Variants in CGB7 observed in about 807,000 individuals in gnomAD.
CGB7 encodes choriogonadotropin subunit beta 7.
CGB7 carries 6 observed loss-of-function variants against 7.3 expected under a neutral mutation model. The observed-to-expected ratio is 0.82, with a 90% CI of 0.45 to 1.62. CGB7 has a LOEUF of 1.62. Among genes scored for constraint, CGB7 ranks in the 40% most tolerant of loss-of-function variants. CGB7 has a pLI of 0.01. For synonymous variants in CGB7, 47 were observed against 100.8 expected (o/e 0.47, Z 3.20); for missense variants, 114 against 236.2 (o/e 0.48, Z 3.39).
chr19:49,054,911 A>G lies in CGB7; in HGVS notation c.113T>C (p.Val38Ala). Residue 38 changes from valine (V) to alanine (A), a missense_variant, in exon 4 of 5, where the codon GTG (valine) becomes GCG (alanine). This residue lies in a region of CGB7 where 58 missense variants were observed against 91.7 expected (regional missense o/e 0.63). Coordinates refer to ENST00000684222, the MANE Select transcript of CGB7 (RefSeq NM_001385261.1). Reference sequence around the variant, plus strand: ...GCACACGGGGCAGCCCTCCTTCTCCACAGCCAGGGTGGCATTGATGGGGCG... The same window carrying G: ...GCACACGGGGCAGCCCTCCTTCTCCGCAGCCAGGGTGGCATTGATGGGGCG... ...RCRPINATLA[V>A]EKEGCPVCIT... 6.3e-7 allele frequency: 1 copy of G among 1,589,254 alleles called. No homozygotes were observed. The highest frequency in any genetic ancestry group is 8.5e-7 in the Non-Finnish European group (1 of 1,170,994).
chr19:49,056,656 C>G (rs1162463519), intron 2 of CGB7, 61 bp from the exon 3 acceptor site: 4 of 1,198,776 alleles, frequency 3.3e-6, no homozygotes, highest in Non-Finnish European at 4.2e-6. Context: ...AGTTTCAGAC[C>G]TCGGGATCTA....
chr19:49,055,861 G>T lies in CGB7; in HGVS notation c.-486C>A. 9.2e-7 allele frequency: 1 copy of T among 1,086,418 alleles called. No individual in the cohort carries two copies. The highest frequency in any genetic ancestry group is 1.1e-6 in the Non-Finnish European group (1 of 887,832). 67.3% of individuals were successfully genotyped at this position (1,086,418 alleles called of 1,614,324 possible). Reference sequence around the variant, plus strand: ...GAGAGGGTCTCCCCGTGACTGTGCTGCCAGGGAAGCCACTTGACCCAGATG... The same window carrying T: ...GAGAGGGTCTCCCCGTGACTGTGCTTCCAGGGAAGCCACTTGACCCAGATG... On this transcript the variant is annotated 5_prime_UTR_variant, in exon 3 of 5. Transcript: ENST00000684222.
Position 49,055,587 on chromosome 19 carries a change from G to C in CGB7, c.-212C>G. On this transcript the variant is annotated 5_prime_UTR_variant, in exon 3 of 5. Coordinates refer to ENST00000684222, the MANE Select transcript of CGB7 (RefSeq NM_001385261.1). ...GGTCTAGCGCCAAGGATGAGGCGGA[G>C]ACCACGGTGAAGTGACCTCTGAGAC... The C allele has an allele frequency of 6.8e-7, 1 of 1,477,148 alleles. No individual in the cohort carries two copies. The highest frequency in any genetic ancestry group is 1.4e-5 in the South Asian group (1 of 72,938). The allele number at this position is 1,477,148 out of a possible 1,614,324, so 91.5% of individuals were successfully genotyped here.
chr19:49,056,359 G>C lies in CGB7; in HGVS notation c.-984C>G, dbSNP rs750185011. On this transcript the variant is annotated 5_prime_UTR_variant, in exon 3 of 5. Coordinates refer to ENST00000684222, the MANE Select transcript of CGB7 (RefSeq NM_001385261.1). ...TGTGTATGCCCGGCAGGGGCTTCCA[G>C]TGGGGGCCACCCCAAGTCGCCTCCA... is the stretch of plus-strand genomic sequence containing the variant. 13 of 1,295,770 alleles carry C rather than the reference G, an allele frequency of 1.0e-5. No individual in the cohort carries two copies. Among genetic ancestry groups the C allele is most frequent in the South Asian group, 2.4e-5 (2 of 81,952 alleles). 80.3% of individuals were successfully genotyped at this position (1,295,770 alleles called of 1,614,324 possible).
At position 49,056,260 on chromosome 19, in the gene CGB7, C is replaced by T. The variant is rs1157003790; in HGVS notation, c.-885G>A. Reference sequence around the variant, plus strand: ...GGGGCGTGTCTGGGGTGGGGCTGGCCCGGCAGGCTCCCACTAGCCCCGGCT... The same window carrying T: ...GGGGCGTGTCTGGGGTGGGGCTGGCTCGGCAGGCTCCCACTAGCCCCGGCT... On this transcript the variant is annotated 5_prime_UTR_variant, in exon 3 of 5. Transcript: ENST00000684222. 1.0e-5 allele frequency: 13 copies of T among 1,290,284 alleles called. No homozygotes were observed. The East Asian group carries it at 5.5e-4, about 55-fold the overall frequency. 79.9% of individuals were successfully genotyped at this position (1,290,284 alleles called of 1,614,324 possible).
At chr19:49,056,892 C>G (rs1050723468) in intron 2 of CGB7, among the ~76,000 whole-genome samples, 4 of 152,178 alleles carry the variant, frequency 2.6e-5, no homozygotes, top group Non-Finnish European at 4.4e-5. Flanking sequence ...AGAATCCCCT[C>G]GAGCCGCTGT....
At position 49,055,537 on chromosome 19, in the gene CGB7, A is replaced by G. The variant is rs2040048554; in HGVS notation, c.-162T>C. ...GGGAGGCACAGGAGTGGCTCAGCGG[A>G]GCACCCCAGTCCTCTCCCCTCAGTG... On this transcript the variant is annotated 5_prime_UTR_variant, in exon 3 of 5. Coordinates refer to ENST00000684222, the MANE Select transcript of CGB7 (RefSeq NM_001385261.1). 1 of 1,569,470 alleles carries G rather than the reference A, an allele frequency of 6.4e-7. No individual in the cohort carries two copies. Among genetic ancestry groups the G allele is most frequent in the Non-Finnish European group, 8.6e-7 (1 of 1,156,862 alleles).
chr19:49,055,477 C>G lies in CGB7; in HGVS notation c.-102G>C, dbSNP rs1325494164. The G allele has an allele frequency of 2.5e-6, 4 of 1,607,122 alleles. No homozygotes were observed. Among genetic ancestry groups the G allele is most frequent in the Non-Finnish European group, 3.4e-6 (4 of 1,175,684 alleles). On this transcript the variant is annotated 5_prime_UTR_variant, in exon 3 of 5. Coordinates refer to ENST00000684222, the MANE Select transcript of CGB7 (RefSeq NM_001385261.1). The stretch of plus-strand genomic sequence containing the variant: ...GTAGGATGCTGGAGTGAGCTGGACA[C>G]TAACCCTTCGGGGGGCGAGAAGTAG...
intron 2 of CGB7, 141 bp downstream of exon 2, chr19:49,056,980 G>T: frequency 1.1e-6 from 1 of 897,148 alleles, no homozygotes; most frequent in Non-Finnish European, 1.7e-6. Flanking sequence ...AGGGGCTGGG[G>T]TCTGAACTGT....
rs773532283 is a variant in CGB7 at position 49,057,147 on chromosome 19, C to T, written c.-1247G>A. ...TGGGATAGAACCGAAAGTCCCGCGC[C>T]GAGGTGGTCAGATAGAGCTGGCGGC... On this transcript the variant is annotated 5_prime_UTR_variant, in exon 2 of 5. Transcript: ENST00000684222. 3.3e-6 allele frequency: 5 copies of T among 1,534,242 alleles called. No individual in the cohort carries two copies.
At position 49,056,037 on chromosome 19, in the gene CGB7, G is replaced by A; in HGVS notation, c.-662C>T. On this transcript the variant is annotated 5_prime_UTR_variant, in exon 3 of 5. Coordinates refer to ENST00000684222, the MANE Select transcript of CGB7 (RefSeq NM_001385261.1). The stretch of plus-strand genomic sequence containing the variant: ...TATTGAATAGGCCCGCAGGAGGTGT[G>A]TCCTGCCCGCGGGGCCGCAGCCTCG... 8.5e-6 allele frequency: 10 copies of A among 1,169,838 alleles called. No homozygotes were observed. The highest frequency in any genetic ancestry group is 7.5e-6 in the Non-Finnish European group (7 of 931,116). The allele number at this position is 1,169,838 out of a possible 1,614,324, so 72.5% of individuals were successfully genotyped here.
Position 49,056,391 on chromosome 19 carries a change from G to A in CGB7, c.-1016C>T. Reference sequence around the variant, plus strand: ...CCACCCCAAGTCGCCTCCAGCGGGCGGAAGCGGTCGAGCCGGCGGAGCGGG... The same window carrying A: ...CCACCCCAAGTCGCCTCCAGCGGGCAGAAGCGGTCGAGCCGGCGGAGCGGG... On this transcript the variant is annotated 5_prime_UTR_variant, in exon 3 of 5. Transcript: ENST00000684222. The A allele has an allele frequency of 7.7e-7, 1 of 1,295,870 alleles. No homozygotes were observed. Among genetic ancestry groups the A allele is most frequent in the Non-Finnish European group, 1.0e-6 (1 of 992,628 alleles). The allele number at this position is 1,295,870 out of a possible 1,614,324, so 80.3% of individuals were successfully genotyped here.
chr19:49,054,467 A>G lies in CGB7; in HGVS notation c.322T>C (p.Cys108Arg). 1 of 1,586,228 alleles carries G rather than the reference A, an allele frequency of 6.3e-7. No homozygotes were observed. The highest frequency in any genetic ancestry group is 1.7e-5 in the Admixed American group (1 of 58,040). Residue 108 changes from cysteine (C) to arginine (R), a missense_variant, in exon 5 of 5, where the codon TGT (cysteine) becomes CGT (arginine). Physicochemically the swap from Cys to Arg is radical, Grantham distance 180 (BLOSUM62 -3). Around this residue, in one of 3 missense-constraint regions of CGB7, gnomAD observed 36 missense variants for 126.1 expected, o/e 0.29. Transcript: ENST00000684222. ...CTGCGGCGGCAGAGTGCACATTGAC[A>G]GCTGAGAGCCACGGCGTAGGAGACC... ...PVVSYAVALSCQCALCRRSTT... is the reference protein window; with the variant it reads ...PVVSYAVALSRQCALCRRSTT...
In CGB7 at chr19:49,055,414, C is replaced by T. The variant is rs1430877784; in HGVS notation, c.-39G>A. 1 of 1,610,262 alleles carries T rather than the reference C, an allele frequency of 6.2e-7. No homozygotes were observed. Among genetic ancestry groups the T allele is most frequent in the Admixed American group, 1.7e-5 (1 of 59,850 alleles). ...CCTGCCTGGTGTACCTGGCTTTATA[C>T]CTCGGGTTTGTGGGGGCGTCAAGGC... On this transcript the variant is annotated 5_prime_UTR_variant, in exon 3 of 5. Transcript: ENST00000684222.
rs1426633731 is a variant in CGB7 at position 49,057,531 on chromosome 19, C to G, written c.-1418G>C. ...AGGCCCCCAGCCACCACAAAATCCC[C>G]CTGGTTCTGCCCCCGGTCTCAAGCC... On this transcript the variant is annotated 5_prime_UTR_variant, in exon 1 of 5. Transcript: ENST00000684222. 14 of 1,207,716 alleles carry G rather than the reference C, an allele frequency of 1.2e-5. No homozygotes were observed. Among genetic ancestry groups the G allele is most frequent in the African/African-American group, 1.6e-5 (1 of 63,258 alleles). 74.8% of individuals were successfully genotyped at this position (1,207,716 alleles called of 1,614,324 possible).
Position 49,056,125 on chromosome 19 carries a change from G to C in CGB7, c.-750C>G, listed in dbSNP as rs1600241695. The C allele has an allele frequency of 2.5e-6, 3 of 1,196,896 alleles. No homozygotes were observed. The highest frequency in any genetic ancestry group is 3.2e-5 in the African/African-American group (2 of 62,784). The allele number at this position is 1,196,896 out of a possible 1,614,324, so 74.1% of individuals were successfully genotyped here. A position where few individuals can be genotyped will look rare whatever the true frequency, so the allele number is the denominator to read the frequency against. ...CAGCCGCAGCTGAGTGGGCGTGTCT[G>C]GGCTAGTCCTGTCCCCACACTGCGG... On this transcript the variant is annotated 5_prime_UTR_variant, in exon 3 of 5. Coordinates refer to ENST00000684222, the MANE Select transcript of CGB7 (RefSeq NM_001385261.1).
In CGB7 at chr19:49,056,140, C is replaced by T; in HGVS notation, c.-765G>A. On this transcript the variant is annotated 5_prime_UTR_variant, in exon 3 of 5. Coordinates refer to ENST00000684222, the MANE Select transcript of CGB7 (RefSeq NM_001385261.1). ...GGGCGTGTCTGGGCTAGTCCTGTCC[C>T]CACACTGCGGATAGACTTAATGAGT... The T allele has an allele frequency of 3.3e-6, 4 of 1,213,432 alleles. No homozygotes were observed. Among genetic ancestry groups the T allele is most frequent in the Non-Finnish European group, 3.2e-6 (3 of 948,928 alleles). The allele number at this position is 1,213,432 out of a possible 1,614,324, so 75.2% of individuals were successfully genotyped here.
rs546864564 is a variant in CGB7 at position 49,055,481 on chromosome 19, C to T, written c.-106G>A. ...GATGCTGGAGTGAGCTGGACACTAA[C>T]CCTTCGGGGGGCGAGAAGTAGACAA... On this transcript the variant is annotated 5_prime_UTR_variant, in exon 3 of 5. Coordinates refer to ENST00000684222, the MANE Select transcript of CGB7 (RefSeq NM_001385261.1). 6.2e-7 allele frequency: 1 copy of T among 1,606,378 alleles called. No homozygotes were observed. The highest frequency in any genetic ancestry group is 8.5e-7 in the Non-Finnish European group (1 of 1,175,056).
At position 49,057,666 on chromosome 19, in the gene CGB7, CA is replaced by C. The variant is rs2040083800; in HGVS notation, c.-1554del. ...AGAATATTCTAGTCTCCTCCCCACC[CA>C]CAGCCCGCCGTCTAGCTCCGCAGCA... On this transcript the variant is annotated 5_prime_UTR_variant, in exon 1 of 5. Coordinates refer to ENST00000684222, the MANE Select transcript of CGB7 (RefSeq NM_001385261.1). 1 of 1,224,500 alleles carries C rather than the reference CA, an allele frequency of 8.2e-7. No individual in the cohort carries two copies. Among genetic ancestry groups the C allele is most frequent in the Non-Finnish European group, 1.0e-6 (1 of 976,992 alleles). 75.9% of individuals were successfully genotyped at this position (1,224,500 alleles called of 1,614,324 possible). A position where few individuals can be genotyped will look rare whatever the true frequency, so the allele number is the denominator to read the frequency against.
Sources: gnomAD v4.1 joint callset for allele counts (sites outside exome capture counted in the v4.1 genomes callset) on GRCh38, gnomAD v4.1.1 for gene constraint, gnomAD v4.1.1 regional missense constraint, MANE v1.5 for transcripts, NCBI Gene and HGNC (gene_info 2026-07-23, HGNC 2026-07-21) for gene names.